DSCAM: variants seen among roughly 807,000 people sequenced by gnomAD.
DSCAM encodes cell adhesion molecule DSCAM.
Under a neutral mutation model 217.7 loss-of-function variants are expected in DSCAM, and 47 were observed. The ratio of observed to expected loss-of-function variants is 0.22; its 90% CI spans 0.17 to 0.28. The LOEUF (loss-of-function observed/expected upper bound fraction) is 0.28. Ranked by LOEUF, DSCAM falls within the 10% of genes least tolerant of loss-of-function variation. The pLI, the probability that DSCAM is intolerant of heterozygous loss-of-function variation, is 1.00. For synonymous variants in DSCAM, 1,056 were observed against 1,015.3 expected (o/e 1.04, Z -0.76); for missense variants, 2,080 against 2,618.3 (o/e 0.79, Z 4.49).
At chr21:40,827,845 G>C (rs1451124870) in intron 1 of DSCAM, among the ~76,000 whole-genome samples, 3 of 152,206 alleles carry the variant, frequency 2.0e-5, no homozygotes, top group Admixed American at 6.5e-5. Context: ...GGCAAGTACT[G>C]TAAGGACCTC....
At chr21:40,478,705 A>G (rs994962228) in intron 3 of DSCAM, among the ~76,000 whole-genome samples, 6 of 152,186 alleles carry the variant, frequency 3.9e-5, no homozygotes, top group Non-Finnish European at 7.3e-5. Context: ...ACAACTAATT[A>G]CAATGACTGC....
intron 1 of DSCAM, among the ~76,000 whole-genome samples, chr21:40,759,878 C>T (rs941596125): frequency 1.3e-5 from 2 of 152,224 alleles, no homozygotes; most frequent in African/African-American, 2.4e-5. Flanking sequence ...GCCCTCCACA[C>T]ATCAAAAGGG....
chr21:40,294,484 G>A (rs528574645), intron 10 of DSCAM, among the ~76,000 whole-genome samples: 2 of 152,212 alleles, frequency 1.3e-5, no homozygotes, highest in African/African-American at 4.8e-5. Context: ...GGTGGCCTAA[G>A]TGCCCTTGGG....
chr21:40,815,777 AAC>A (rs1341079163), intron 1 of DSCAM, among the ~76,000 whole-genome samples: 6 of 152,210 alleles, frequency 3.9e-5, no homozygotes, highest in Non-Finnish European at 7.3e-5. Context: ...ATTCAAACTG[AAC>A]ACACACCTCT....
At chr21:40,435,323 T>C (rs2075573302) in intron 3 of DSCAM, among the ~76,000 whole-genome samples, 1 of 152,220 alleles carries the variant, frequency 6.6e-6, no homozygotes, top group African/African-American at 2.4e-5. Context: ...CTAATGTTTG[T>C]TTAATTTAGT....
intron 3 of DSCAM, among the ~76,000 whole-genome samples, chr21:40,545,673 G>A (rs1215626621): frequency 6.6e-6 from 1 of 152,150 alleles, no homozygotes; most frequent in Admixed American, 6.5e-5. Context: ...GAGATGATGT[G>A]TGAAATATGC....
intron 23 of DSCAM, among the ~76,000 whole-genome samples, chr21:40,084,447 G>C (rs1274676969): frequency 6.6e-6 from 1 of 151,646 alleles, no homozygotes; most frequent in Non-Finnish European, 1.5e-5. Flanking sequence ...AAAATAGCTA[G>C]TGGGAAAAAG....
intron 20 of DSCAM, among the ~76,000 whole-genome samples, chr21:40,102,091 C>CAGA (rs5843999): frequency 0.21 from 31,760 of 151,936 alleles, 4,064 homozygotes; most frequent in East Asian, 0.4. Flanking sequence ...GCTTGGCAAA[C>CAGA]AGATTAATTT....
chr21:40,386,175 C>T (rs536581602), intron 3 of DSCAM, among the ~76,000 whole-genome samples: 8 of 152,166 alleles, frequency 5.3e-5, no homozygotes, highest in Non-Finnish European at 8.8e-5. Flanking sequence ...CCCGCCTCAC[C>T]GCTAAATATA....
In DSCAM at chr21:40,051,922, A is replaced by G. The variant is rs145293144; in HGVS notation, c.5185+36T>C. On this transcript the variant is annotated intron_variant, in intron 30 of 32. Coordinates refer to ENST00000400454, the MANE Select transcript of DSCAM (RefSeq NM_001389.5). ...ACATTACTATGTTTTCAGCATTGTTAACACCCACACATTTTAAGCATTGTT... is the reference window on the plus strand; with the variant it reads ...ACATTACTATGTTTTCAGCATTGTTGACACCCACACATTTTAAGCATTGTT... 4 of 1,585,534 alleles carry G rather than the reference A, an allele frequency of 2.5e-6. No homozygotes were observed. The Admixed American group carries it at 7.3e-5, about 29-fold the overall frequency.
intron 3 of DSCAM, among the ~76,000 whole-genome samples, chr21:40,483,414 A>G (rs554791751): frequency 6.6e-6 from 1 of 152,292 alleles, no homozygotes; most frequent in East Asian, 1.9e-4. Context: ...CGGGCAATAT[A>G]TTTATTTAAG....
chr21:40,222,439 T>C (rs1024074324), intron 11 of DSCAM, among the ~76,000 whole-genome samples: 2 of 152,190 alleles, frequency 1.3e-5, no homozygotes, highest in African/African-American at 2.4e-5. Context: ...AATTAATCTT[T>C]AAAAACCACC....
rs142698299 is a variant in DSCAM, at chr21:40,500,536, T to C, written c.509-131291A>G. ...TTTCTTTTTCTAATTCACAGCTTCA[T>C]GGATGCAGACGGTACTCTTGACCTT... On this transcript the variant is annotated intron_variant, in intron 3 of 32. Transcript: ENST00000400454. 1.4e-3 allele frequency among the ~76,000 whole-genome samples: 217 copies of C among 152,360 alleles called. 1 individual carries two copies. Among genetic ancestry groups the C allele is most frequent in the Middle Eastern group, 3.4e-3 (1 of 294 alleles).
chr21:40,037,580 G>A (rs1273202898), intron 32 of DSCAM, among the ~76,000 whole-genome samples: 5 of 149,082 alleles, frequency 3.4e-5, no homozygotes, highest in Non-Finnish European at 7.4e-5. Context: ...TCGTGAAAAT[G>A]GCCATACTGC....
rs754083673 is a variant in DSCAM at position 40,276,204 on chromosome 21, G to A, written c.2249C>T (p.Ser750Leu). The A allele has an allele frequency of 3.1e-6, 5 of 1,613,008 alleles. No individual in the cohort carries two copies. The highest frequency in any genetic ancestry group is 4.2e-6 in the Non-Finnish European group (5 of 1,179,526). The change falls in exon 11 of 33, where the codon TCG becomes TTG. Residue 750 changes from serine to leucine, a missense_variant. Coordinates refer to ENST00000400454, the MANE Select transcript of DSCAM (RefSeq NM_001389.5). ...NGRIQVLSNG[S>L]LLIKHVVEED... The stretch of plus-strand genomic sequence containing the variant: ...CTCCACGACATGCTTGATCAGCAAC[G>A]ACCCATTGCTGAGAACTTGGATTCG...
In DSCAM at chr21:40,821,796, A is replaced by G. The variant is rs144210578; in HGVS notation, c.43+24823T>C. On this transcript the variant is annotated intron_variant, in intron 1 of 32. Coordinates refer to ENST00000400454, the MANE Select transcript of DSCAM (RefSeq NM_001389.5). ...ACCTACTACGTGTCATCACTTATAAATGGGAGCTAAATGATGAGAACACAT... is the reference window on the plus strand; with the variant it reads ...ACCTACTACGTGTCATCACTTATAAGTGGGAGCTAAATGATGAGAACACAT... 1.2e-4 allele frequency among the ~76,000 whole-genome samples: 18 copies of G among 152,176 alleles called. No individual in the cohort carries two copies. The East Asian group carries it at 3.5e-3, about 30-fold the overall frequency.
In DSCAM at chr21:40,689,653, G is replaced by A. The variant is rs541163440; in HGVS notation, c.508+3157C>T. Among the ~76,000 whole-genome samples, 12 of 152,300 alleles carry A rather than the reference G, an allele frequency of 7.9e-5. No individual in the cohort carries two copies. The East Asian group carries it at 1.5e-3, about 20-fold the overall frequency. On this transcript the variant is annotated intron_variant, in intron 3 of 32. Coordinates refer to ENST00000400454, the MANE Select transcript of DSCAM (RefSeq NM_001389.5). ...GAAGGAAGTGATCTCTGCAGAGTACGAATGCTTCCTGGAACAAACTTCCCA... is the reference window on the plus strand; with the variant it reads ...GAAGGAAGTGATCTCTGCAGAGTACAAATGCTTCCTGGAACAAACTTCCCA...
Position 40,810,583 on chromosome 21 carries a change from C to T in DSCAM, c.43+36036G>A, listed in dbSNP as rs1390373631. On this transcript the variant is annotated intron_variant, in intron 1 of 32. Transcript: ENST00000400454. ...CAACCTCCCTGGATTTCAGTTTTCTCGCTTGTCCAGCTGAGGTAATAATGA... is the reference window on the plus strand; with the variant it reads ...CAACCTCCCTGGATTTCAGTTTTCTTGCTTGTCCAGCTGAGGTAATAATGA... Among the ~76,000 whole-genome samples, 7 of 152,220 alleles carry T rather than the reference C, an allele frequency of 4.6e-5. No homozygotes were observed. In the South Asian group the frequency reaches 1.2e-3, roughly 27 times the overall value.
intron 15 of DSCAM, among the ~76,000 whole-genome samples, chr21:40,173,443 T>C (rs1215866595): frequency 6.6e-6 from 1 of 152,166 alleles, no homozygotes; most frequent in East Asian, 1.9e-4. Flanking sequence ...ATAACTTTCT[T>C]TAGATTTAAT....
Sources: allele counts gnomAD v4.1 joint callset (sites outside exome capture counted in the v4.1 genomes callset), GRCh38; gene constraint gnomAD v4.1.1; transcripts MANE v1.5; gene names NCBI Gene and HGNC (gene_info 2026-07-23, HGNC 2026-07-21).